The following SUPT3H variants were observed in gnomAD, a reference collection of about 807,000 sequenced individuals.
SUPT3H encodes transcription initiation protein SPT3 homolog.
A neutral mutation model predicts 44.3 loss-of-function variants in SUPT3H; 44 were observed. The observed-to-expected ratio is 0.99, with a 90% CI of 0.78 to 1.28. The LOEUF (loss-of-function observed/expected upper bound fraction) is 1.28. SUPT3H is among the 50% of genes most tolerant of loss of function. SUPT3H has a pLI of 0.00. For missense variants in SUPT3H, 380 were observed against 387.1 expected, an observed-to-expected ratio of 0.98 and a Z score of 0.15; for synonymous variants, 124 against 125.6, an observed-to-expected ratio of 0.99 and a Z score of 0.09.
At chr6:45,325,874 A>G (rs1460912433) in intron 2 of SUPT3H, among the ~76,000 whole-genome samples, 1 of 151,878 alleles carries the variant, frequency 6.6e-6, no homozygotes, top group Non-Finnish European at 1.5e-5. Flanking sequence ...TATTTGCTCC[A>G]AAGAGGATAT....
At chr6:45,177,922 C>A (rs533821736) in intron 2 of SUPT3H, among the ~76,000 whole-genome samples, 287 of 152,136 alleles carry the variant, frequency 1.9e-3, no homozygotes, top group African/African-American at 6.7e-3. Context: ...GAAGGAAGCG[C>A]TAAACATGGA....
intron 1 of SUPT3H, among the ~76,000 whole-genome samples, chr6:45,367,703 G>C (rs1795382144): frequency 6.6e-6 from 1 of 152,116 alleles, no homozygotes; most frequent in African/African-American, 2.4e-5. Context: ...TGTCTGATTT[G>C]ACAGACATGC....
intron 9 of SUPT3H, among the ~76,000 whole-genome samples, chr6:44,941,220 A>G (rs529141460): frequency 3.3e-5 from 5 of 152,148 alleles, no homozygotes; most frequent in African/African-American, 9.6e-5. Context: ...GTGATATTTT[A>G]TAAGACCTGA....
chr6:45,365,445 T>C, intron 1 of SUPT3H, 144 bp from the exon 2 acceptor site: 2 of 581,908 alleles, frequency 3.4e-6, no homozygotes, highest in South Asian at 2.4e-5. Flanking sequence ...GATTCACTTA[T>C]ACTTAATGTT....
chr6:45,134,022 T>C (rs931181864), intron 2 of SUPT3H, among the ~76,000 whole-genome samples: 2 of 152,236 alleles, frequency 1.3e-5, no homozygotes, highest in Admixed American at 6.5e-5. Context: ...AGTTTGTTCC[T>C]GTCTTTGTTG....
chr6:45,011,909 T>C (rs1028954934), intron 5 of SUPT3H, among the ~76,000 whole-genome samples: 2 of 152,050 alleles, frequency 1.3e-5, no homozygotes, highest in African/African-American at 4.8e-5. Flanking sequence ...GGAATGTATT[T>C]TGCATTCATT....
chr6:45,156,147 C>G (rs536948462), intron 2 of SUPT3H, among the ~76,000 whole-genome samples: 223 of 152,216 alleles, frequency 1.5e-3, no homozygotes, highest in African/African-American at 5.1e-3. Context: ...TGCTACCAAG[C>G]TACACGATGC....
At chr6:44,855,825 T>C (rs1350304564) in intron 10 of SUPT3H, among the ~76,000 whole-genome samples, 1 of 151,714 alleles carries the variant, frequency 6.6e-6, no homozygotes, top group Admixed American at 6.6e-5. Flanking sequence ...TTAGTAACAA[T>C]ACTGAAAAGC....
chr6:44,951,282 C>T (rs1282164656), intron 9 of SUPT3H, among the ~76,000 whole-genome samples: 3 of 148,096 alleles, frequency 2.0e-5, no homozygotes, highest in East Asian at 2.0e-4. Context: ...CTGAGTCACT[C>T]ATTTGGAAAC....
rs773647450 is a variant in SUPT3H at position 45,022,495 on chromosome 6, C to T, written c.187-1863G>A. Among the ~76,000 whole-genome samples the T allele has an allele frequency of 5.3e-5, 8 of 150,122 alleles. No homozygotes were observed. The Middle Eastern group carries it at 0.01, about 197-fold the overall frequency. On this transcript the variant is annotated intron_variant, in intron 3 of 10. Transcript: ENST00000371459. ...GGAATTTATATCATGGTTATCCTGTCGTATGTAGTAGGAAAAGTTTATCTT... is the reference window on the plus strand; with the variant it reads ...GGAATTTATATCATGGTTATCCTGTTGTATGTAGTAGGAAAAGTTTATCTT...
rs573650973 is a variant in SUPT3H at position 45,123,964 on chromosome 6, C to T, written c.102-17958G>A. Among the ~76,000 whole-genome samples, 280 of 152,170 alleles carry T rather than the reference C, an allele frequency of 1.8e-3. 1 individual carries two copies. Among genetic ancestry groups the T allele is most frequent in the African/African-American group, 6.2e-3 (259 of 41,518 alleles). On this transcript the variant is annotated intron_variant, in intron 2 of 10. Coordinates refer to ENST00000371459, the MANE Select transcript of SUPT3H (RefSeq NM_003599.4). ...ACCATTTAAAAATGTAAAAAATATT[C>T]GTGGTTACACAGGCTGCTGAACAAA...
rs138585043 is a variant in SUPT3H at position 45,254,690 on chromosome 6, C to T, written c.101+110511G>A. 7.8e-4 allele frequency among the ~76,000 whole-genome samples: 119 copies of T among 152,262 alleles called. 1 individual carries two copies. The East Asian group carries it at 0.015, about 19-fold the overall frequency. On this transcript the variant is annotated intron_variant, in intron 2 of 10. Transcript: ENST00000371459. ...TCACATAAGTAATCCCAAAGCAGAG[C>T]GGACCAAGGCCTTTCCAACTCTAAA...
chr6:44,837,212 T>A (rs1770078180), intron 10 of SUPT3H, among the ~76,000 whole-genome samples: 1 of 152,190 alleles, frequency 6.6e-6, no homozygotes, highest in South Asian at 2.1e-4. Flanking sequence ...AACAATTGTT[T>A]GGGGGCTCAG....
At chr6:45,206,393 A>G (rs969601408) in intron 2 of SUPT3H, among the ~76,000 whole-genome samples, 2 of 152,102 alleles carry the variant, frequency 1.3e-5, no homozygotes, top group Non-Finnish European at 2.9e-5. Flanking sequence ...ATATTTGAGG[A>G]AAGAATATTC....
chr6:44,975,882 A>G lies in SUPT3H; in HGVS notation c.505-14054T>C, dbSNP rs532403441. Reference sequence around the variant, plus strand: ...AAAGCAAACTCATGCTGAGTATGTCATGCTCCAGTAAGGAAACAATGCCAC... The same window carrying G: ...AAAGCAAACTCATGCTGAGTATGTCGTGCTCCAGTAAGGAAACAATGCCAC... On this transcript the variant is annotated intron_variant, in intron 6 of 10. Transcript: ENST00000371459. 6.6e-5 allele frequency among the ~76,000 whole-genome samples: 10 copies of G among 152,326 alleles called. No homozygotes were observed. The South Asian group carries it at 1.0e-3, about 16-fold the overall frequency.
At chr6:45,370,831 C>T (rs1375799358) in intron 1 of SUPT3H, among the ~76,000 whole-genome samples, 1 of 152,126 alleles carries the variant, frequency 6.6e-6, no homozygotes, top group African/African-American at 2.4e-5. Context: ...ACAGGAGTTT[C>T]TAGCATATCC....
At chr6:44,838,398 A>T (rs1322359188) in intron 10 of SUPT3H, among the ~76,000 whole-genome samples, 1 of 152,138 alleles carries the variant, frequency 6.6e-6, no homozygotes, top group South Asian at 2.1e-4. Flanking sequence ...TTACAAAATG[A>T]GAATAGAGTG....
At chr6:44,903,382 A>G (rs1270709852) in intron 10 of SUPT3H, among the ~76,000 whole-genome samples, 6 of 152,218 alleles carry the variant, frequency 3.9e-5, no homozygotes, top group African/African-American at 1.4e-4. Flanking sequence ...ACAAACTACC[A>G]TCAGAGAATA....
intron 2 of SUPT3H, among the ~76,000 whole-genome samples, chr6:45,301,484 A>C (rs954723477): frequency 6.6e-6 from 1 of 151,950 alleles, no homozygotes; most frequent in Non-Finnish European, 1.5e-5. Context: ...TTTTTGGTGC[A>C]GGCAGGGGTT....
Sources: allele counts gnomAD v4.1 joint callset (sites outside exome capture counted in the v4.1 genomes callset), GRCh38; gene constraint gnomAD v4.1.1; transcripts MANE v1.5; gene names NCBI Gene and HGNC (gene_info 2026-07-23, HGNC 2026-07-21).